Variants in SLC26A11 observed in about 807,000 individuals in gnomAD.
The protein encoded by SLC26A11 is sodium-independent sulfate anion transporter.
SLC26A11 carries 58 observed loss-of-function variants against 62.2 expected under a neutral mutation model. The observed-to-expected ratio is 0.93, with a 90% confidence interval of 0.76 to 1.16. The LOEUF (loss-of-function observed/expected upper bound fraction) is 1.16. Ranked by LOEUF, SLC26A11 falls within the 50% of genes most tolerant of loss-of-function variation. SLC26A11 has a pLI of 0.00. For synonymous variants in SLC26A11, 411 were observed against 368.9 expected (o/e 1.11, Z -1.31); for missense variants, 790 against 794.3 (o/e 0.99, Z 0.06).
At chr17:80,232,230 A>G (rs1445724356) in intron 7 of SLC26A11, among the ~76,000 whole-genome samples, 1 of 151,792 alleles carries the variant, frequency 6.6e-6, no homozygotes, top group Admixed American at 6.6e-5. Flanking sequence ...AGCTTTCATT[A>G]GTGTTAGCAT....
intron 10 of SLC26A11, 133 bp downstream of exon 10, chr17:80,241,954 G>C (rs1487654788): frequency 4.1e-6 from 4 of 975,938 alleles, no homozygotes; most frequent in Non-Finnish European, 4.9e-6. Flanking sequence ...GGTGGCCCCA[G>C]ATGGGATCTT....
chr17:80,242,003 G>A (rs192842071), intron 10 of SLC26A11, among the ~76,000 whole-genome samples, 182 bp downstream of exon 10: 15 of 152,362 alleles, frequency 9.8e-5, no homozygotes, highest in African/African-American at 3.6e-4. Context: ...TTGAGATGGA[G>A]TCTCACTCTG....
intron 9 of SLC26A11, among the ~76,000 whole-genome samples, chr17:80,238,512 C>G (rs2042760925): frequency 6.6e-6 from 1 of 152,212 alleles, no homozygotes; most frequent in Non-Finnish European, 1.5e-5. Context: ...CCCTTCGTCT[C>G]CTTCAGTGTC....
Position 80,220,452 on chromosome 17 carries a change from C to T in SLC26A11, c.-258C>T, listed in dbSNP as rs2042115111. The T allele has an allele frequency of 1.7e-5, 14 of 815,496 alleles. 1 individual carries two copies. In the South Asian group the frequency reaches 3.4e-4, roughly 20 times the overall value. The allele number at this position is 815,496 out of a possible 1,614,324, so 50.5% of individuals were successfully genotyped here. ...CTGTCCCCGGCGATTCCTGCGGACC[C>T]AGCTGCGGCGACGCCAGGAGACCCC... On this transcript the variant is annotated 5_prime_UTR_variant, in exon 1 of 18. Coordinates refer to ENST00000361193, the MANE Select transcript of SLC26A11 (RefSeq NM_001166347.2).
intron 6 of SLC26A11, among the ~76,000 whole-genome samples, chr17:80,227,499 C>A (rs117071069): frequency 1.3e-5 from 2 of 152,204 alleles, no homozygotes; most frequent in African/African-American, 2.4e-5. Flanking sequence ...TGTGTACTTA[C>A]TGAATTTTGA....
At chr17:80,249,593 T>G (rs2043105033) in intron 16 of SLC26A11, among the ~76,000 whole-genome samples, 1 of 152,172 alleles carries the variant, frequency 6.6e-6, no homozygotes, top group African/African-American at 2.4e-5. Flanking sequence ...TCAGGGGAAT[T>G]GTATTTTAGG....
Position 80,222,685 on chromosome 17 carries a change from T to A in SLC26A11, c.265T>A (p.Phe89Ile), listed in dbSNP as rs1482383854. Residue 89 changes from phenylalanine (F) to isoleucine (I), a missense_variant, in exon 4 of 18, where the codon TTC (phenylalanine) becomes ATC (isoleucine). Phe to Ile is a conservative substitution (Grantham distance 21, BLOSUM62 0). Transcript: ENST00000361193. The surrounding 1 kb of genome is among the most constrained non-coding windows in gnomAD (Gnocchi z 4.7). Reference sequence around the variant, plus strand: ...CCTCTACTCTGCCTTCATGGGCTGCTTCGTGTATTTCTTCCTGGGCACCTC... The same window carrying A: ...CCTCTACTCTGCCTTCATGGGCTGCATCGTGTATTTCTTCCTGGGCACCTC... ...YGLYSAFMGC[F>I]VYFFLGTSRD... The A allele has an allele frequency of 6.2e-7, 1 of 1,614,118 alleles. No homozygotes were observed. The highest frequency in any genetic ancestry group is 1.1e-5 in the South Asian group (1 of 91,066).
chr17:80,222,811 G>A lies in SLC26A11; in HGVS notation c.391G>A (p.Gly131Ser), dbSNP rs374746901. Residue 131 changes from glycine (G) to serine (S), a missense_variant, in exon 4 of 18, where the codon GGC (glycine) becomes AGC (serine). Gly to Ser is a moderately conservative substitution (Grantham distance 56). Transcript: ENST00000361193. This position sits in a 1 kb window ranked among gnomAD's most constrained non-coding sequence, Gnocchi z 4.7. ...AYAVLLAFLS[G>S]CIQLAMGVLR... ...CGCTGTGCTGCTGGCCTTCCTGTCC[G>A]GCTGCATCCAGCTGGCCATGGGGGT... The A allele has an allele frequency of 9.8e-5, 158 of 1,614,144 alleles. No individual in the cohort carries two copies. Among genetic ancestry groups the A allele is most frequent in the Non-Finnish European group, 1.3e-4 (151 of 1,180,020 alleles).
In SLC26A11 at chr17:80,222,939, G is replaced by GTCT; in HGVS notation, c.427+93_427+94insCTT. The stretch of plus-strand genomic sequence containing the variant: ...TCTATCCCCGTGTGCGTGTGTGTGC[G>GTCT]TGTTGGGGTGTGGGTATGTATGTGT... On this transcript the variant is annotated intron_variant, in intron 4 of 17. Coordinates refer to ENST00000361193, the MANE Select transcript of SLC26A11 (RefSeq NM_001166347.2). This position sits in a 1 kb window ranked among gnomAD's most constrained non-coding sequence, Gnocchi z 4.7. 1 of 1,084,464 alleles carries GTCT rather than the reference G, an allele frequency of 9.2e-7. No homozygotes were observed. Among genetic ancestry groups the GTCT allele is most frequent in the Non-Finnish European group, 1.3e-6 (1 of 797,652 alleles). 67.2% of individuals were successfully genotyped at this position (1,084,464 alleles called of 1,614,324 possible).
At position 80,221,687 on chromosome 17, in the gene SLC26A11, T is replaced by C; in HGVS notation, c.127T>C (p.Tyr43His). The change falls in exon 3 of 18, where the codon TAC becomes CAC. Residue 43 changes from tyrosine to histidine, a missense_variant. Tyr to His is a moderately conservative substitution (Grantham distance 83). Transcript: ENST00000361193. ...GCCCATCCTGGCGTGGCTGCCCAGC[T>C]ACTCCCTGCAGTGGCTGAAGATGGA... The part of the protein sequence containing the change: ...RLPILAWLPS[Y>H]SLQWLKMDFV... The C allele has an allele frequency of 6.2e-7, 1 of 1,613,600 alleles. No individual in the cohort carries two copies. Among genetic ancestry groups the C allele is most frequent in the Non-Finnish European group, 8.5e-7 (1 of 1,180,000 alleles).
chr17:80,224,209 GAA>G (rs2042308391), intron 5 of SLC26A11, among the ~76,000 whole-genome samples: 2 of 137,540 alleles, frequency 1.5e-5, no homozygotes, highest in African/African-American at 5.1e-5. Flanking sequence ...GTGAGTGTGT[GAA>G]TGAGTGAGTG....
At chr17:80,234,104 A>G (rs982676861) in intron 7 of SLC26A11, among the ~76,000 whole-genome samples, 4 of 152,140 alleles carry the variant, frequency 2.6e-5, no homozygotes, top group African/African-American at 9.7e-5. Flanking sequence ...TCCTGGGTTC[A>G]AGTGATTCTC....
chr17:80,252,377 T>C lies in SLC26A11; in HGVS notation c.1730-248T>C, dbSNP rs532447626. On this transcript the variant is annotated intron_variant, in intron 17 of 17. Transcript: ENST00000361193. This position sits in a 1 kb window ranked among gnomAD's most constrained non-coding sequence, Gnocchi z 5.2. ...GCACTGGAGGTGGATAAGCAGAATG[T>C]GGCCTGGCCGTGGGATGGGAGGGTA... Among the ~76,000 whole-genome samples, 31 of 152,264 alleles carry C rather than the reference T, an allele frequency of 2.0e-4. No homozygotes were observed. The highest frequency in any genetic ancestry group is 3.5e-4 in the Non-Finnish European group (24 of 68,012).
intron 7 of SLC26A11, among the ~76,000 whole-genome samples, chr17:80,235,058 T>C (rs1419179842): frequency 6.6e-6 from 1 of 152,058 alleles, no homozygotes; most frequent in Non-Finnish European, 1.5e-5. Context: ...CTGTGTTGGC[T>C]GGGCCAGTCT....
chr17:80,247,734 G>A (rs1016828785), intron 13 of SLC26A11, among the ~76,000 whole-genome samples: 17 of 152,182 alleles, frequency 1.1e-4, no homozygotes, highest in Admixed American at 8.5e-4. Context: ...ACCTATGCGT[G>A]CGGTGGAATC....
intron 7 of SLC26A11, 70 bp from the exon 8 acceptor site, chr17:80,236,858 C>T: frequency 1.3e-6 from 2 of 1,527,580 alleles, no homozygotes; most frequent in Non-Finnish European, 1.8e-6. Context: ...CCCCAGTAAC[C>T]TGGAGGCAGC....
chr17:80,224,445 G>GAGTGTGCA (rs370545027), intron 5 of SLC26A11, among the ~76,000 whole-genome samples: 2 of 120,944 alleles, frequency 1.7e-5, no homozygotes, highest in African/African-American at 9.5e-5. Context: ...GGGTGTGAGA[G>GAGTGTGCA]TGTGAGTGTG....
intron 9 of SLC26A11, among the ~76,000 whole-genome samples, chr17:80,238,811 GTTTTTTTTGTTTTTTGTTTTTT>G (rs2042771767): frequency 8.1e-6 from 1 of 123,226 alleles, no homozygotes; most frequent in African/African-American, 3.4e-5. Context: ...CTTCAAAGGA[GTTTTTTTTGTTTTTTGTTTTTT>G]TTTTTTTTTG....
In SLC26A11 at chr17:80,220,561, G is replaced by C. The variant is rs553696156; in HGVS notation, c.-214+65G>C. On this transcript the variant is annotated intron_variant, in intron 1 of 17. Transcript: ENST00000361193. The stretch of plus-strand genomic sequence containing the variant: ...GGGCAGGGGGAGCGGACAGTGGCCG[G>C]GGTCGCCGGGGGCAGCCGACGCGGG... 33 of 403,474 alleles carry C rather than the reference G, an allele frequency of 8.2e-5. 1 individual carries two copies. The South Asian group carries it at 2.3e-3, about 28-fold the overall frequency. 25.0% of individuals were successfully genotyped at this position (403,474 alleles called of 1,614,324 possible).
Sources: allele counts gnomAD v4.1 joint callset (sites outside exome capture counted in the v4.1 genomes callset), GRCh38; gene constraint gnomAD v4.1.1; non-coding constraint Gnocchi (gnomAD v3.1); transcripts MANE v1.5; gene names NCBI Gene and HGNC (gene_info 2026-07-23, HGNC 2026-07-21).